ELMO1: variants seen among roughly 807,000 people sequenced by gnomAD.
The protein encoded by ELMO1 is engulfment and cell motility protein 1.
Under a neutral mutation model 98.9 loss-of-function variants are expected in ELMO1, and 26 were observed. The observed-to-expected ratio is 0.26, with a 90% confidence interval of 0.19 to 0.36. The LOEUF (loss-of-function observed/expected upper bound fraction) is 0.36. ELMO1 is among the 10% of genes least tolerant of loss of function. ELMO1 has a pLI of 1.00. For synonymous variants in ELMO1, 346 were observed against 346.0 expected, an observed-to-expected ratio of 1.00 and a Z score of 0.00; for missense variants, 627 against 935.2, an observed-to-expected ratio of 0.67 and a Z score of 4.30.
intron 13 of ELMO1, among the ~76,000 whole-genome samples, chr7:37,167,848 T>C (rs1350743646): frequency 6.6e-6 from 1 of 150,730 alleles, no homozygotes; most frequent in Non-Finnish European, 1.5e-5. Context: ...AGTATCTTTG[T>C]GGCGTTCTCT....
chr7:36,900,815 CAT>C (rs1352157370), intron 16 of ELMO1, among the ~76,000 whole-genome samples: 2 of 152,194 alleles, frequency 1.3e-5, no homozygotes, highest in African/African-American at 4.8e-5. Context: ...AAAAATGACT[CAT>C]GTGGGGGAGA....
intron 16 of ELMO1, among the ~76,000 whole-genome samples, chr7:36,899,650 C>T (rs1173816953): frequency 1.1e-5 from 1 of 94,746 alleles, no homozygotes; most frequent in Non-Finnish European, 2.3e-5. Context: ...GATACTTAAT[C>T]TCTCTCAGAC....
At chr7:37,227,212 G>C (rs555241157) in intron 8 of ELMO1, among the ~76,000 whole-genome samples, 2 of 152,196 alleles carry the variant, frequency 1.3e-5, no homozygotes, top group African/African-American at 2.4e-5. Flanking sequence ...TGGCCCAGTG[G>C]TCTAACTCAT....
Position 37,193,934 on chromosome 7 carries a change from C to T in ELMO1, c.1086+17452G>A, listed in dbSNP as rs766391451. Among the ~76,000 whole-genome samples the T allele has an allele frequency of 2.6e-5, 4 of 152,170 alleles. No individual in the cohort carries two copies. In the South Asian group the frequency reaches 6.2e-4, roughly 24 times the overall value. On this transcript the variant is annotated intron_variant, in intron 13 of 21. Coordinates refer to ENST00000310758, the MANE Select transcript of ELMO1 (RefSeq NM_014800.11). ...CTAGGCTTCAGCAAATGATCTCACC[C>T]GGTGCTGCCTCAGCAACTTGTCCCT...
chr7:36,894,338 T>C (rs1421065787), intron 17 of ELMO1, among the ~76,000 whole-genome samples: 1 of 152,158 alleles, frequency 6.6e-6, no homozygotes, highest in African/African-American at 2.4e-5. Context: ...ATGAGGGCCA[T>C]ATAGCATGCT....
chr7:37,293,715 TAAAAAA>T (rs35978411), intron 4 of ELMO1, among the ~76,000 whole-genome samples: 1 of 65,582 alleles, frequency 1.5e-5, no homozygotes, highest in Admixed American at 1.6e-4. Flanking sequence ...GAATGATCAA[TAAAAAA>T]AAAAATAATA....
At chr7:37,396,333 T>C (rs934655857) in intron 1 of ELMO1, among the ~76,000 whole-genome samples, 3 of 152,096 alleles carry the variant, frequency 2.0e-5, no homozygotes, top group Non-Finnish European at 2.9e-5. Context: ...GGAGGATTGC[T>C]TGAGTCCAGG....
intron 1 of ELMO1, among the ~76,000 whole-genome samples, chr7:37,398,432 T>C (rs1217939452): frequency 6.6e-6 from 1 of 152,186 alleles, no homozygotes; most frequent in African/African-American, 2.4e-5. Flanking sequence ...ACTGCTCCAT[T>C]CAAGAAAAAA....
Position 37,276,468 on chromosome 7 carries a change from G to A in ELMO1, c.193-4586C>T, listed in dbSNP as rs1002699996. 5.3e-5 allele frequency among the ~76,000 whole-genome samples: 8 copies of A among 152,154 alleles called. No homozygotes were observed. The East Asian group carries it at 9.7e-4, about 18-fold the overall frequency. On this transcript the variant is annotated intron_variant, in intron 4 of 21. Transcript: ENST00000310758. ...CCAAAAATACAAAAAAAAATTAGCCGGGCGTGGTGGCAGGCGCCTGTAGTC... is the reference window on the plus strand; with the variant it reads ...CCAAAAATACAAAAAAAAATTAGCCAGGCGTGGTGGCAGGCGCCTGTAGTC...
intron 1 of ELMO1, among the ~76,000 whole-genome samples, chr7:37,394,796 G>A (rs1210051427): frequency 1.3e-5 from 2 of 152,170 alleles, no homozygotes; most frequent in Non-Finnish European, 2.9e-5. Flanking sequence ...TGATCAGGAT[G>A]TAGATGAGAA....
chr7:37,273,290 G>C (rs1168306050), intron 4 of ELMO1, among the ~76,000 whole-genome samples: 1 of 152,166 alleles, frequency 6.6e-6, no homozygotes, highest in African/African-American at 2.4e-5. Flanking sequence ...GGGACCTTGG[G>C]GAAGGCAACT....
intron 7 of ELMO1, among the ~76,000 whole-genome samples, chr7:37,235,957 A>G (rs2130648484): frequency 6.6e-6 from 1 of 152,296 alleles, no homozygotes; most frequent in South Asian, 2.1e-4. Flanking sequence ...ACAACAAAAA[A>G]TACTCTTCTC....
At position 36,870,538 on chromosome 7, in the gene ELMO1, A is replaced by G. The variant is rs1189856892; in HGVS notation, c.1823-63T>C. The G allele has an allele frequency of 2.5e-5, 37 of 1,507,814 alleles. No homozygotes were observed. The highest frequency in any genetic ancestry group is 3.5e-5 in the Admixed American group (2 of 56,836). The allele number at this position is 1,507,814 out of a possible 1,614,324, so 93.4% of individuals were successfully genotyped here. A position where few individuals can be genotyped will look rare whatever the true frequency, so the allele number is the denominator to read the frequency against. On this transcript the variant is annotated intron_variant, in intron 19 of 21. Coordinates refer to ENST00000310758, the MANE Select transcript of ELMO1 (RefSeq NM_014800.11). The surrounding 1 kb of genome is among the most constrained non-coding windows in gnomAD (Gnocchi z 4.4). ...TGTGAAAACTTTGATGTCAATAAAG[A>G]AACAGGACTAAGCACTGGGTCCGCT...
chr7:37,343,589 C>A (rs753031301), intron 1 of ELMO1, among the ~76,000 whole-genome samples: 6 of 145,896 alleles, frequency 4.1e-5, no homozygotes, highest in Non-Finnish European at 7.5e-5. Context: ...CCAAGCAATT[C>A]TCCTGCCTCA....
At chr7:37,413,773 G>A (rs780890187) in intron 1 of ELMO1, among the ~76,000 whole-genome samples, 16 of 152,128 alleles carry the variant, frequency 1.1e-4, no homozygotes, top group Admixed American at 2.0e-4. Flanking sequence ...TGCCTCCTGG[G>A]TTCAAGCAAT....
intron 1 of ELMO1, among the ~76,000 whole-genome samples, chr7:37,430,892 C>T (rs1389430593): frequency 6.6e-6 from 1 of 152,218 alleles, no homozygotes; most frequent in Admixed American, 6.5e-5. Context: ...CAACATGGAT[C>T]TGTGTAGGTC....
intron 20 of ELMO1, among the ~76,000 whole-genome samples, chr7:36,864,711 C>G (rs932313560): frequency 6.6e-6 from 1 of 152,178 alleles, no homozygotes; most frequent in Non-Finnish European, 1.5e-5. Flanking sequence ...GATCTGTGCC[C>G]CCCTCAGGGC....
chr7:37,151,735 T>C (rs6956171), intron 13 of ELMO1, among the ~76,000 whole-genome samples: 12,470 of 152,188 alleles, frequency 0.082, 705 homozygotes, highest in Middle Eastern at 0.16. Context: ...GAGATGGACA[T>C]AGTTCTGGTT....
chr7:37,330,268 T>C (rs1207857425), intron 2 of ELMO1, among the ~76,000 whole-genome samples: 2 of 152,252 alleles, frequency 1.3e-5, no homozygotes, highest in Non-Finnish European at 2.9e-5. Flanking sequence ...TTTATCCTTT[T>C]CAACACAGCT....
Sources: allele counts gnomAD v4.1 joint callset (sites outside exome capture counted in the v4.1 genomes callset), GRCh38; gene constraint gnomAD v4.1.1; non-coding constraint Gnocchi (gnomAD v3.1); transcripts MANE v1.5; gene names NCBI Gene and HGNC (gene_info 2026-07-23, HGNC 2026-07-21).